Variants in UNC93A observed in about 807,000 individuals in gnomAD.
UNC93A encodes unc-93 homolog A, also known as N-acetylglucosamine transporter UNC93A.
Under a neutral mutation model 47.5 loss-of-function variants are expected in UNC93A, and 43 were observed. That is an observed-to-expected ratio of 0.91 (90% CI 0.71 to 1.17). The LOEUF (loss-of-function observed/expected upper bound fraction) is 1.17, where lower values mean the gene tolerates loss of function less well. Ranked by LOEUF, UNC93A falls within the 50% of genes most tolerant of loss-of-function variation. The probability of loss-of-function intolerance (pLI) is 0.00; values close to 1 mark genes in which losing one functional copy is unlikely to be tolerated. For synonymous variants in UNC93A, 280 were observed against 258.0 expected (o/e 1.09, Z -0.82); for missense variants, 605 against 577.6 (o/e 1.05, Z -0.49).
chr6:167,282,126 G>A lies in UNC93A; in HGVS notation c.-51-9313G>A, dbSNP rs77986267. ...ATCAGTCTTTGCAGGGTGGCTTATCGTAGACTTTCCTGGGACGGTAGACAA... is the reference window on the plus strand; with the variant it reads ...ATCAGTCTTTGCAGGGTGGCTTATCATAGACTTTCCTGGGACGGTAGACAA... On this transcript the variant is annotated intron_variant, in intron 1 of 3. Coordinates refer to the UNC93A transcript ENST00000503433. Among the ~76,000 whole-genome samples the A allele has an allele frequency of 7.2e-3, 1,101 of 152,292 alleles. 19 individuals carry two copies. The highest frequency in any genetic ancestry group is 0.024 in the African/African-American group (1,013 of 41,532).
At chr6:167,290,305 A>T (rs1360433485), upstream of UNC93A, among the ~76,000 whole-genome samples, 1 of 152,210 alleles carries the variant, frequency 6.6e-6, no homozygotes, top group Non-Finnish European at 1.5e-5. Flanking sequence ...ACTGAAATAC[A>T]TTAAGTGACA....
rs191708997 is a variant in UNC93A, at chr6:167,307,516, A to C, written c.977-263A>C. 6.7e-3 allele frequency among the ~76,000 whole-genome samples: 571 copies of C among 85,418 alleles called. 5 individuals carry two copies. Among genetic ancestry groups the C allele is most frequent in the African/African-American group, 0.03 (539 of 17,678 alleles). 56.0% of individuals were successfully genotyped at this position (85,418 alleles called of 152,430 possible). A position where few individuals can be genotyped will look rare whatever the true frequency, so the allele number is the denominator to read the frequency against. Reference sequence around the variant, plus strand: ...TGGTTGAGATGGTTGAGACGGTTCCAGAGGACAATTCCAGAGGATGGTTGA... The same window carrying C: ...TGGTTGAGATGGTTGAGACGGTTCCCGAGGACAATTCCAGAGGATGGTTGA... On this transcript the variant is annotated intron_variant, in intron 6 of 7. Coordinates refer to ENST00000230256, the MANE Select transcript of UNC93A (RefSeq NM_018974.4).
intron 1 of UNC93A, among the ~76,000 whole-genome samples, chr6:167,285,068 A>G (rs1783701144): frequency 6.6e-6 from 1 of 151,614 alleles, no homozygotes; most frequent in Admixed American, 6.6e-5. Context: ...TCCTTCCCAC[A>G]CCGTCTGGGC....
chr6:167,301,941 G>A (rs1778251900), intron 4 of UNC93A, among the ~76,000 whole-genome samples: 1 of 152,134 alleles, frequency 6.6e-6, no homozygotes, highest in African/African-American at 2.4e-5. Context: ...ACAACACAGA[G>A]GAAAATCAAG....
chr6:167,278,343 G>T (rs1447100178), intron 1 of UNC93A, among the ~76,000 whole-genome samples: 2 of 152,150 alleles, frequency 1.3e-5, no homozygotes, highest in African/African-American at 2.4e-5. Context: ...GCCAACTCGG[G>T]TGTCCCCAGG....
chr6:167,312,628 C>G (rs71553160), intron 7 of UNC93A, among the ~76,000 whole-genome samples: 37,615 of 152,092 alleles, frequency 0.25, 4,771 homozygotes, highest in South Asian at 0.32. Context: ...GCTCCATTCT[C>G]CGGCAGCCAG....
chr6:167,281,967 C>T (rs955733691), intron 1 of UNC93A, among the ~76,000 whole-genome samples: 5 of 152,172 alleles, frequency 3.3e-5, no homozygotes, highest in African/African-American at 1.2e-4. Context: ...CTACTTATTT[C>T]CTGGGAAAGT....
At chr6:167,275,492 C>T (rs534588021) in intron 1 of UNC93A, among the ~76,000 whole-genome samples, 1 of 152,356 alleles carries the variant, frequency 6.6e-6, no homozygotes, top group East Asian at 1.9e-4. Context: ...TCAGCTCACC[C>T]ACCCCCAAGG....
At chr6:167,309,460 G>T (rs1365214814) in intron 7 of UNC93A, among the ~76,000 whole-genome samples, 8 of 152,150 alleles carry the variant, frequency 5.3e-5, no homozygotes, top group African/African-American at 9.7e-5. Context: ...AAGACTGCGT[G>T]TCTAAGAGAT....
At chr6:167,302,505 A>ATGGTAT (rs1778271257) in intron 4 of UNC93A, among the ~76,000 whole-genome samples, 1 of 152,116 alleles carries the variant, frequency 6.6e-6, no homozygotes, top group Non-Finnish European at 1.5e-5. Flanking sequence ...TGGGAGGAAA[A>ATGGTAT]CAGTGGAGAT....
In UNC93A at chr6:167,315,370, T is replaced by G. The variant is rs1424053267; in HGVS notation, c.1292T>G (p.Val431Gly). Residue 431 changes from valine to glycine, a missense_variant, in exon 8 of 8, where the codon GTG becomes GGG. By Grantham distance (109) the Val-to-Gly change is moderately radical (BLOSUM62 -3). Coordinates refer to ENST00000230256, the MANE Select transcript of UNC93A (RefSeq NM_018974.4). Reference protein sequence around the residue: ...TMVAYGLVECVESKNPIRPHA... With the variant: ...TMVAYGLVECGESKNPIRPHA... ...GTGGCGTATGGGCTTGTGGAGTGCG[T>G]GGAGTCCAAGAACCCGATCAGACCC... The G allele has an allele frequency of 2.3e-5, 37 of 1,613,794 alleles. No homozygotes were observed. Among genetic ancestry groups the G allele is most frequent in the Admixed American group, 3.3e-5 (2 of 59,992 alleles).
rs774328725 is a variant in UNC93A, at chr6:167,276,062, TTC to T, written c.-52+4606_-52+4607del. ...TATGAGATCATTTTTTTCTTTTCTTTTCTTTTTTTTTTTTTAGCTCACACATA... is the reference window on the plus strand; with the variant it reads ...TATGAGATCATTTTTTTCTTTTCTTTTTTTTTTTTTTTTAGCTCACACATA... On this transcript the variant is annotated intron_variant, in intron 1 of 3. Transcript: ENST00000503433. Among the ~76,000 whole-genome samples the T allele has an allele frequency of 4.3e-3, 573 of 131,944 alleles. 17 individuals are homozygous for T. Among genetic ancestry groups the T allele is most frequent in the African/African-American group, 0.018 (512 of 29,024 alleles). The allele number at this position is 131,944 out of a possible 152,430, so 86.6% of individuals were successfully genotyped here. A position where few individuals can be genotyped will look rare whatever the true frequency, so the allele number is the denominator to read the frequency against.
At chr6:167,294,893 G>A (rs964171175) in intron 2 of UNC93A, among the ~76,000 whole-genome samples, 195 bp downstream of exon 2, 2 of 151,962 alleles carry the variant, frequency 1.3e-5, no homozygotes, top group Non-Finnish European at 2.9e-5. Flanking sequence ...TTCCCACCAA[G>A]GCTCCTCTGT....
chr6:167,294,737 G>A (rs771379303), intron 2 of UNC93A, 39 bp downstream of exon 2: 12 of 1,427,706 alleles, frequency 8.4e-6, no homozygotes, highest in South Asian at 5.1e-5. Context: ...CACCCCGGCC[G>A]TTCCCCACGC....
At position 167,279,408 on chromosome 6, in the gene UNC93A, A is replaced by G. The variant is rs529713227; in HGVS notation, c.-52+7950A>G. ...ATAAATGTTTTCACTTTTCCTTTGA[A>G]CAGGTTCTAACATCTGCCTAGTTCC... On this transcript the variant is annotated intron_variant, in intron 1 of 3. Transcript: ENST00000503433. Among the ~76,000 whole-genome samples, 5 of 152,346 alleles carry G rather than the reference A, an allele frequency of 3.3e-5. No homozygotes were observed. In the South Asian group the frequency reaches 1.0e-3, roughly 32 times the overall value.
intron 1 of UNC93A, among the ~76,000 whole-genome samples, chr6:167,294,203 G>C (rs1262662321): frequency 2.0e-5 from 3 of 152,198 alleles, no homozygotes; most frequent in Non-Finnish European, 4.4e-5. Context: ...ACACTGTCCT[G>C]TTCTCAGCTG....
At chr6:167,271,932 T>A (rs2115065367) in intron 1 of UNC93A, among the ~76,000 whole-genome samples, 1 of 152,256 alleles carries the variant, frequency 6.6e-6, no homozygotes, top group African/African-American at 2.4e-5. Flanking sequence ...AAGGGCTAGT[T>A]CCTAGTAGTC....
upstream of UNC93A, among the ~76,000 whole-genome samples, chr6:167,270,904 T>C (rs1783441011): frequency 6.6e-6 from 1 of 152,136 alleles, no homozygotes; most frequent in Non-Finnish European, 1.5e-5. Flanking sequence ...GACAAGAAGT[T>C]CCTGTTGTGG....
At chr6:167,305,449 G>A (rs1778358303) in intron 5 of UNC93A, among the ~76,000 whole-genome samples, 1 of 152,194 alleles carries the variant, frequency 6.6e-6, no homozygotes, top group African/African-American at 2.4e-5. Flanking sequence ...CGCCCGTGAT[G>A]GGAGTGTGGT....
Sources: allele counts gnomAD v4.1 joint callset (sites outside exome capture counted in the v4.1 genomes callset), GRCh38; gene constraint gnomAD v4.1.1; transcripts MANE v1.5; gene names NCBI Gene and HGNC (gene_info 2026-07-23, HGNC 2026-07-21).